The following EIF3A variants were observed in gnomAD, a reference collection of about 807,000 sequenced individuals.
EIF3A encodes the protein EIF3, p180 subunit.
A neutral mutation model predicts 186.6 loss-of-function variants in EIF3A; 21 were observed. That is an observed-to-expected ratio of 0.11 (90% confidence interval 0.08 to 0.16). The LOEUF (loss-of-function observed/expected upper bound fraction) is 0.16. Ranked by LOEUF, EIF3A falls within the 10% of genes least tolerant of loss-of-function variation. The pLI is 1.00. For synonymous variants in EIF3A, 563 were observed against 584.3 expected (o/e 0.96, Z 0.52); for missense variants, 1,306 against 1,796.3 (o/e 0.73, Z 4.93).
At chr10:119,061,513 C>T (rs1843887461) in intron 7 of EIF3A, among the ~76,000 whole-genome samples, 185 bp from the exon 8 acceptor site, 1 of 151,946 alleles carries the variant, frequency 6.6e-6, no homozygotes, top group Non-Finnish European at 1.5e-5. Context: ...TTGCCCCACA[C>T]TATGCACATT....
intron 12 of EIF3A, among the ~76,000 whole-genome samples, chr10:119,057,556 C>G (rs1206575537): frequency 1.3e-5 from 2 of 152,182 alleles, no homozygotes; most frequent in Admixed American, 6.5e-5. Flanking sequence ...AAGTAGATCA[C>G]TTGAGGTCAG....
At chr10:119,065,317 C>T in intron 7 of EIF3A, 82 bp downstream of exon 7, 1 of 1,015,062 alleles carries the variant, frequency 9.9e-7, no homozygotes, top group Non-Finnish European at 1.5e-6. Context: ...AATCAGAATT[C>T]CCAGTATTTA....
At chr10:119,066,250 T>G (rs1418352727) in intron 6 of EIF3A, among the ~76,000 whole-genome samples, 2 of 152,102 alleles carry the variant, frequency 1.3e-5, no homozygotes, top group African/African-American at 4.8e-5. Flanking sequence ...GGCTCACGCC[T>G]GTAATCCCAG....
rs1848091149 is a variant in EIF3A, at chr10:119,033,883, AAAAACAC to A, written c.*2149_*2155del. On this transcript the variant is annotated 3_prime_UTR_variant, in exon 22 of 22. Coordinates refer to ENST00000369144, the MANE Select transcript of EIF3A (RefSeq NM_003750.4). ...TCAGTGTCTTTGGTTAAAAAAAAAA[AAAAACAC>A]AGGCAGTTCTTTACATAAAAACGTC... 6.0e-6 allele frequency: 1 copy of A among 166,904 alleles called. No individual in the cohort carries two copies. Among genetic ancestry groups the A allele is most frequent in the Non-Finnish European group, 1.5e-5 (1 of 68,098 alleles). 10.3% of individuals were successfully genotyped at this position (166,904 alleles called of 1,614,324 possible). A position where few individuals can be genotyped will look rare whatever the true frequency, so the allele number is the denominator to read the frequency against.
rs755726316 is a variant in EIF3A, at chr10:119,042,780, G to A, written c.2748-8C>T. The A allele has an allele frequency of 2.6e-6, 4 of 1,564,344 alleles. No homozygotes were observed. Among genetic ancestry groups the A allele is most frequent in the Non-Finnish European group, 2.6e-6 (3 of 1,160,406 alleles). ...TCTCCACGTCTCCACTCCCTACACA[G>A]CAACAAGAACAATTAAAAATATATA... On this transcript the variant is annotated splice_region_variant and splice_polypyrimidine_tract_variant and intron_variant, in intron 18 of 21. Transcript: ENST00000369144. The surrounding 1 kb of genome is among the most constrained non-coding windows in gnomAD (Gnocchi z 7.8).
chr10:119,069,351 A>G, intron 6 of EIF3A, 95 bp downstream of exon 6: 1 of 693,824 alleles, frequency 1.4e-6, no homozygotes, highest in Non-Finnish European at 2.6e-6. Flanking sequence ...TCAGTAGTGC[A>G]GAGGCTGAGA....
chr10:119,039,676 A>G (rs1270541826), intron 19 of EIF3A, among the ~76,000 whole-genome samples: 1 of 152,158 alleles, frequency 6.6e-6, no homozygotes, highest in Non-Finnish European at 1.5e-5. Flanking sequence ...TCAAAAAGAG[A>G]AAAAACAAAT....
At position 119,038,227 on chromosome 10, in the gene EIF3A, G is replaced by A. The variant is rs147988360; in HGVS notation, c.3728+11C>T. The stretch of plus-strand genomic sequence containing the variant: ...CCGGCCTCTACAAATAATTTAATTA[G>A]AGCATCACACCTAGGTCTTCTGAAG... On this transcript the variant is annotated intron_variant, in intron 20 of 21. Coordinates refer to ENST00000369144, the MANE Select transcript of EIF3A (RefSeq NM_003750.4). 16 of 1,610,748 alleles carry A rather than the reference G, an allele frequency of 9.9e-6. No homozygotes were observed. The South Asian group carries it at 1.3e-4, about 13-fold the overall frequency.
chr10:119,043,622 C>A (rs758184332), intron 18 of EIF3A, among the ~76,000 whole-genome samples: 1 of 151,824 alleles, frequency 6.6e-6, no homozygotes, highest in African/African-American at 2.4e-5. Context: ...ACAACAACAA[C>A]AAAAACAACA....
At chr10:119,066,963 AAC>A (rs1843991249) in intron 6 of EIF3A, among the ~76,000 whole-genome samples, 1 of 151,940 alleles carries the variant, frequency 6.6e-6, no homozygotes. Flanking sequence ...CTGTAATCCC[AAC>A]ACTTTGGGAG....
At position 119,049,947 on chromosome 10, in the gene EIF3A, C is replaced by G; in HGVS notation, c.2512G>C (p.Glu838Gln). 2 of 1,614,140 alleles carry G rather than the reference C, an allele frequency of 1.2e-6. No individual in the cohort carries two copies. Among genetic ancestry groups the G allele is most frequent in the Non-Finnish European group, 1.7e-6 (2 of 1,180,026 alleles). ...ERERAERAKR[E>Q]EELREYQERV... The stretch of plus-strand genomic sequence containing the variant: ...TCCTGATACTCTCGTAGCTCTTCCT[C>G]GCGTTTTGCTCGTTCGGCGCGCTCT... Residue 838 changes from glutamate to glutamine, a missense_variant, in exon 17 of 22, where the codon GAG becomes CAG. Transcript: ENST00000369144.
chr10:119,038,022 T>C (rs1848158582), intron 20 of EIF3A, among the ~76,000 whole-genome samples: 2 of 139,852 alleles, frequency 1.4e-5, no homozygotes, highest in South Asian at 5.0e-4. Flanking sequence ...GTTCAAGCAA[T>C]TCTCCTGCCT....
At chr10:119,057,545 C>A (rs1327282952) in intron 12 of EIF3A, among the ~76,000 whole-genome samples, 2 of 152,234 alleles carry the variant, frequency 1.3e-5, no homozygotes, top group East Asian at 3.9e-4. Flanking sequence ...GAGGCTGAGG[C>A]AAGTAGATCA....
At chr10:119,044,015 AG>A in intron 18 of EIF3A, 38 bp downstream of exon 18, 2 of 1,405,274 alleles carry the variant, frequency 1.4e-6, no homozygotes, top group Non-Finnish European at 2.0e-6. Flanking sequence ...AGATATTAAC[AG>A]GAACTGGAGC....
At chr10:119,039,323 G>A (rs552432744) in intron 19 of EIF3A, among the ~76,000 whole-genome samples, 4 of 152,210 alleles carry the variant, frequency 2.6e-5, no homozygotes, top group Admixed American at 6.6e-5. Flanking sequence ...ATATAGAGAT[G>A]TAAATTTGCT....
chr10:119,073,292 C>T (rs1397617), intron 3 of EIF3A, 149 bp downstream of exon 3: 386,049 of 697,696 alleles, frequency 0.55, 109,591 homozygotes, highest in Middle Eastern at 0.71. Flanking sequence ...TTATTACCTA[C>T]ATAAATTAAC....
chr10:119,072,345 A>C (rs559944445), intron 4 of EIF3A, among the ~76,000 whole-genome samples: 1 of 152,068 alleles, frequency 6.6e-6, no homozygotes. Context: ...TGTAAAAAGA[A>C]AAAAAAAGAT....
chr10:119,036,101 C>G lies in EIF3A; in HGVS notation c.4087G>C (p.Glu1363Gln), dbSNP rs1848124783. Residue 1363 changes from glutamate (E) to glutamine (Q), a missense_variant, in exon 22 of 22, where the codon GAA (glutamate) becomes CAA (glutamine). Around this residue, in one of 8 missense-constraint regions of EIF3A, gnomAD observed 331 missense variants for 365.8 expected, o/e 0.90. Coordinates refer to ENST00000369144, the MANE Select transcript of EIF3A (RefSeq NM_003750.4). ...KASWRAEKDR[E>Q]SLRRTKNETD... The stretch of plus-strand genomic sequence containing the variant: ...TCATTTTTAGTACGACGGAGAGATT[C>G]CCTATCTTTCTCAGCTCTCCATGAG... 6.2e-7 allele frequency: 1 copy of G among 1,613,860 alleles called. No homozygotes were observed. The highest frequency in any genetic ancestry group is 2.2e-5 in the East Asian group (1 of 44,872).
intron 1 of EIF3A, among the ~76,000 whole-genome samples, chr10:119,075,344 G>T (rs1844149332): frequency 6.6e-6 from 1 of 151,956 alleles, no homozygotes. Context: ...CCAATTTTAA[G>T]TTTTATGCAT....
Sources: allele counts gnomAD v4.1 joint callset (sites outside exome capture counted in the v4.1 genomes callset), GRCh38; gene constraint gnomAD v4.1.1; regional missense constraint gnomAD v4.1.1; non-coding constraint Gnocchi (gnomAD v3.1); transcripts MANE v1.5; gene names NCBI Gene and HGNC (gene_info 2026-07-23, HGNC 2026-07-21).